ZNRF3: variants seen among roughly 807,000 people sequenced by gnomAD.
ZNRF3 encodes E3 ubiquitin-protein ligase ZNRF3.
ZNRF3 carries 23 observed loss-of-function variants against 72.5 expected under a neutral mutation model. The observed-to-expected ratio is 0.32, with a 90% CI of 0.23 to 0.45. The LOEUF is 0.45. ZNRF3 is among the 20% of genes least tolerant of loss of function. The pLI is 1.00. For synonymous variants in ZNRF3, 610 were observed against 545.3 expected (o/e 1.12, Z -1.65); for missense variants, 1,169 against 1,272.1 (o/e 0.92, Z 1.23).
intron 1 of ZNRF3, among the ~76,000 whole-genome samples, chr22:28,977,405 C>T (rs1352881285): frequency 2.0e-5 from 3 of 152,082 alleles, no homozygotes; most frequent in Non-Finnish European, 4.4e-5. Context: ...AAGAATTGTC[C>T]GTTTCTTTGT....
intron 2 of ZNRF3, among the ~76,000 whole-genome samples, chr22:29,011,345 G>A (rs1260168891): frequency 6.6e-6 from 1 of 152,144 alleles, no homozygotes; most frequent in Non-Finnish European, 1.5e-5. Flanking sequence ...CTTACAAATG[G>A]GGTGCTCCTG....
chr22:28,935,812 G>C (rs928446210), intron 1 of ZNRF3, among the ~76,000 whole-genome samples: 2 of 152,124 alleles, frequency 1.3e-5, no homozygotes, highest in East Asian at 1.9e-4. Flanking sequence ...AATTCTCTTA[G>C]GGTCTTCAAA....
chr22:29,029,661 C>A (rs920602898), intron 2 of ZNRF3, among the ~76,000 whole-genome samples: 2 of 152,248 alleles, frequency 1.3e-5, no homozygotes, highest in Non-Finnish European at 2.9e-5. Flanking sequence ...TAGATCAAAT[C>A]ATCTCTAGGG....
At chr22:28,947,835 A>G (rs1235756884) in intron 1 of ZNRF3, among the ~76,000 whole-genome samples, 1 of 151,604 alleles carries the variant, frequency 6.6e-6, no homozygotes, top group Non-Finnish European at 1.5e-5. Context: ...AAAACACATT[A>G]CATGTTAACA....
intron 4 of ZNRF3, among the ~76,000 whole-genome samples, chr22:29,044,527 A>G (rs957154640): frequency 3.3e-5 from 5 of 152,206 alleles, no homozygotes; most frequent in Non-Finnish European, 7.3e-5. Context: ...GGCTTTACCA[A>G]CAGAGTTCCC....
chr22:28,897,268 C>T (rs1227196883), intron 1 of ZNRF3, among the ~76,000 whole-genome samples: 1 of 152,168 alleles, frequency 6.6e-6, no homozygotes, highest in African/African-American at 2.4e-5. Flanking sequence ...TGTTGCTGTC[C>T]TTGTTCCTGA....
intron 1 of ZNRF3, among the ~76,000 whole-genome samples, chr22:28,944,093 T>C (rs570974914): frequency 6.6e-6 from 1 of 152,066 alleles, no homozygotes; most frequent in Admixed American, 6.6e-5. Context: ...TAGCAATCAT[T>C]TTTATAAAAA....
At chr22:29,044,690 A>G (rs1376055136) in intron 4 of ZNRF3, 90 bp from the exon 5 acceptor site, 5 of 889,444 alleles carry the variant, frequency 5.6e-6, no homozygotes, top group East Asian at 2.4e-5. Flanking sequence ...CGGTCACCCC[A>G]TCTTTATCCT....
At position 29,050,200 on chromosome 22, in the gene ZNRF3, G is replaced by A. The variant is rs1435547100; in HGVS notation, c.2019G>A (p.Leu673=). 1 of 1,600,922 alleles carries A rather than the reference G, an allele frequency of 6.2e-7. No individual in the cohort carries two copies. Among genetic ancestry groups the A allele is most frequent in the Non-Finnish European group, 8.5e-7 (1 of 1,179,866 alleles). The part of the protein sequence containing the change: ...LEMNYSSNSS[L]EHRGPNSSTS... ...TGAACTACAGCAGCAACTCCTCCCT[G>A]GAGCACAGGGGGCCCAATAGCTCTA... Residue 673 remains leucine, a synonymous_variant, in exon 8 of 9, where the codon CTG becomes CTA. Coordinates refer to ENST00000544604, the MANE Select transcript of ZNRF3 (RefSeq NM_001206998.2).
rs147139431 is a variant in ZNRF3, at chr22:28,979,394, G to A, written c.301-7682G>A. On this transcript the variant is annotated intron_variant, in intron 1 of 8. Transcript: ENST00000544604. Reference sequence around the variant, plus strand: ...TCCCCTTCTACTGTCCTTTCAAGGTGCTGTCATGGTGAAGGGCACCAGTGT... The same window carrying A: ...TCCCCTTCTACTGTCCTTTCAAGGTACTGTCATGGTGAAGGGCACCAGTGT... Among the ~76,000 whole-genome samples, 540 of 152,274 alleles carry A rather than the reference G, an allele frequency of 3.5e-3. 2 individuals carry two copies. The highest frequency in any genetic ancestry group is 0.011 in the African/African-American group (451 of 41,530).
chr22:28,943,081 T>C (rs374700935), intron 1 of ZNRF3, among the ~76,000 whole-genome samples: 71 of 152,334 alleles, frequency 4.7e-4, no homozygotes, highest in African/African-American at 1.6e-3. Flanking sequence ...GTGTTTCTTC[T>C]TTACCCTATT....
intron 1 of ZNRF3, among the ~76,000 whole-genome samples, chr22:28,956,457 G>A (rs1442291887): frequency 6.6e-6 from 1 of 150,484 alleles, no homozygotes; most frequent in Admixed American, 6.6e-5. Context: ...GTCCAGGGCT[G>A]GTGTTTTTTG....
chr22:28,885,879 T>C (rs2033776718), intron 1 of ZNRF3, among the ~76,000 whole-genome samples: 2 of 151,940 alleles, frequency 1.3e-5, no homozygotes, highest in Non-Finnish European at 2.9e-5. Context: ...TATTCTCTTC[T>C]GAAACTTTTT....
At chr22:29,016,774 G>GCATT in intron 2 of ZNRF3, among the ~76,000 whole-genome samples, 1 of 152,332 alleles carries the variant, frequency 6.6e-6, no homozygotes, top group East Asian at 1.9e-4. Context: ...CTATCTCAGA[G>GCATT]CATTGTTCAT....
At chr22:29,044,971 TTTTTTGATGGTG>T in intron 5 of ZNRF3, 81 bp downstream of exon 5, 1 of 988,732 alleles carries the variant, frequency 1.0e-6, no homozygotes, top group Non-Finnish European at 1.6e-6. Flanking sequence ...CGTCACCTTA[TTTTTTGATGGTG>T]CAACATGGAG....
At position 28,958,295 on chromosome 22, in the gene ZNRF3, T is replaced by C. The variant is rs150569627; in HGVS notation, c.301-28781T>C. Among the ~76,000 whole-genome samples the C allele has an allele frequency of 7.5e-3, 1,143 of 152,350 alleles. 18 individuals carry two copies. The highest frequency in any genetic ancestry group is 0.027 in the African/African-American group (1,105 of 41,578). On this transcript the variant is annotated intron_variant, in intron 1 of 8. Transcript: ENST00000544604. The stretch of plus-strand genomic sequence containing the variant: ...TTTCTGAAACTTAGTAACCACTTGG[T>C]CTATCAACAACTATTTGAGTAGTCC...
intron 1 of ZNRF3, among the ~76,000 whole-genome samples, chr22:28,918,537 C>CGTGTGTGTGTGTGT (rs56876101): frequency 4.7e-5 from 7 of 148,744 alleles, no homozygotes; most frequent in African/African-American, 1.7e-4. Flanking sequence ...TGCATGTGTG[C>CGTGTGTGTGTGTGT]GTGTGTGTGT....
At chr22:28,946,453 A>G (rs2035053743) in intron 1 of ZNRF3, among the ~76,000 whole-genome samples, 1 of 152,342 alleles carries the variant, frequency 6.6e-6, no homozygotes, top group South Asian at 2.1e-4. Context: ...ATAATGTGTC[A>G]TCCTTCTGTA....
At chr22:28,989,779 C>A (rs751660439) in intron 2 of ZNRF3, among the ~76,000 whole-genome samples, 3 of 152,148 alleles carry the variant, frequency 2.0e-5, no homozygotes, top group Non-Finnish European at 4.4e-5. Flanking sequence ...CCCCTCCCCA[C>A]CACCCACCCT....
Sources: gnomAD v4.1 joint callset for allele counts (sites outside exome capture counted in the v4.1 genomes callset) on GRCh38, gnomAD v4.1.1 for gene constraint, MANE v1.5 for transcripts, NCBI Gene and HGNC (gene_info 2026-07-23, HGNC 2026-07-21) for gene names.